Variants in DMXL1 observed in about 807,000 individuals in gnomAD.
DMXL1 encodes Dmx like 1.
A neutral mutation model predicts 319.2 loss-of-function variants in DMXL1; 99 were observed. The observed-to-expected ratio is 0.31, with a 90% CI of 0.26 to 0.37. The LOEUF (loss-of-function observed/expected upper bound fraction) is 0.37. Among genes scored for constraint, DMXL1 ranks in the 10% least tolerant of loss-of-function variants. The pLI, the probability that DMXL1 is intolerant of heterozygous loss-of-function variation, is 1.00. For synonymous variants in DMXL1, 1,385 were observed against 1,235.2 expected (o/e 1.12, Z -2.54); for missense variants, 3,745 against 3,595.6 (o/e 1.04, Z -1.06).
intron 9 of DMXL1, among the ~76,000 whole-genome samples, chr5:119,128,721 C>G (rs1764155802): frequency 6.6e-6 from 1 of 151,962 alleles, no homozygotes; most frequent in East Asian, 1.9e-4. Flanking sequence ...ATGGCTGTAC[C>G]TTTGAATTTT....
intron 29 of DMXL1, among the ~76,000 whole-genome samples, chr5:119,192,324 C>T (rs1050889321): frequency 2.6e-5 from 4 of 152,190 alleles, no homozygotes; most frequent in African/African-American, 4.8e-5. Flanking sequence ...TCTCTACTCT[C>T]CCCTGTGTTT....
At chr5:119,147,221 T>G in intron 16 of DMXL1, 28 bp from the exon 17 acceptor site, 2 of 1,589,918 alleles carry the variant, frequency 1.3e-6, no homozygotes, top group South Asian at 1.1e-5. Flanking sequence ...CCTGCCTCAG[T>G]TTTTGGTTCT....
rs1024335175 is a variant in DMXL1, at chr5:119,121,256, ATTTTTCTTTTT to A, written c.1102+133_1102+143del. On this transcript the variant is annotated intron_variant, in intron 9 of 43. Transcript: ENST00000539542. ...ATATTGGAGGTGACTGTCTTAGCCT[ATTTTTCTTTTT>A]TTTTTCTTTTTTTTTAATTTATTAT... The A allele has an allele frequency of 8.4e-5, 65 of 771,020 alleles. 1 individual carries two copies. The highest frequency in any genetic ancestry group is 2.8e-4 in the African/African-American group (15 of 53,364). The allele number at this position is 771,020 out of a possible 1,614,324, so 47.8% of individuals were successfully genotyped here. A position where few individuals can be genotyped will look rare whatever the true frequency, so the allele number is the denominator to read the frequency against.
chr5:119,196,180 T>G (rs1322584928), intron 30 of DMXL1, among the ~76,000 whole-genome samples, 191 bp from the exon 31 acceptor site: 1 of 152,216 alleles, frequency 6.6e-6, no homozygotes, highest in Admixed American at 6.5e-5. Flanking sequence ...TGGACAATTT[T>G]GGTTATTTCT....
At chr5:119,190,699 T>G (rs1366678380) in intron 29 of DMXL1, among the ~76,000 whole-genome samples, 2 of 152,230 alleles carry the variant, frequency 1.3e-5, no homozygotes, top group Non-Finnish European at 2.9e-5. Context: ...ATGTTGACAG[T>G]GCTGCCATTT....
At chr5:119,173,989 A>G (rs1447611913) in intron 25 of DMXL1, among the ~76,000 whole-genome samples, 1 of 151,336 alleles carries the variant, frequency 6.6e-6, no homozygotes, top group Non-Finnish European at 1.5e-5. Context: ...TGAAGACCCA[A>G]AAAGAGCTGA....
At chr5:119,128,458 C>T (rs942381700) in intron 9 of DMXL1, 2 of 170,930 alleles carry the variant, frequency 1.2e-5, no homozygotes, top group African/African-American at 2.4e-5. Context: ...CTCCCCACTC[C>T]ATGACTAGCC....
chr5:119,073,707 A>G (rs1235599182), intron 1 of DMXL1, among the ~76,000 whole-genome samples: 1 of 152,094 alleles, frequency 6.6e-6, no homozygotes, highest in Non-Finnish European at 1.5e-5. Context: ...AAGTATAAAG[A>G]GAGTTCAGCT....
Position 119,171,241 on chromosome 5 carries a change from A to G in DMXL1, c.6450A>G (p.Val2150=). 1 of 1,606,402 alleles carries G rather than the reference A, an allele frequency of 6.2e-7. No individual in the cohort carries two copies. The highest frequency in any genetic ancestry group is 1.1e-5 in the South Asian group (1 of 89,788). ...CCCATGGTGGGGGTCTTGCATCTGT[A>G]AGAATGGAATTGATTTTGCTTTTGC... is the stretch of plus-strand genomic sequence containing the variant. ...HGSHGGGLAS[V]RMELILLLQE... Residue 2150 remains valine (V), a synonymous_variant, in exon 24 of 44, where the codon GTA becomes GTG. Transcript: ENST00000539542.
chr5:119,076,569 A>G (rs1162953558), intron 1 of DMXL1, among the ~76,000 whole-genome samples: 1 of 152,200 alleles, frequency 6.6e-6, no homozygotes, highest in Non-Finnish European at 1.5e-5. Context: ...TTTAAAACAT[A>G]AAGTTTTACA....
chr5:119,162,608 T>C (rs2150212833), intron 19 of DMXL1, among the ~76,000 whole-genome samples: 1 of 152,360 alleles, frequency 6.6e-6, no homozygotes, highest in African/African-American at 2.4e-5. Context: ...CTTAAGGCTC[T>C]GCCTGTTAAT....
At chr5:119,123,393 A>G (rs1762724433) in intron 9 of DMXL1, among the ~76,000 whole-genome samples, 2 of 32,070 alleles carry the variant, frequency 6.2e-5, no homozygotes, top group Admixed American at 4.0e-4. Context: ...GAGGAGGGAG[A>G]GGAGGGGGAG....
intron 36 of DMXL1, 84 bp downstream of exon 36, chr5:119,220,677 T>C (rs1784497179): frequency 6.7e-7 from 1 of 1,495,090 alleles, no homozygotes. Flanking sequence ...AAAGATTCTT[T>C]AAAGCAATGT....
At position 119,110,290 on chromosome 5, in the gene DMXL1, A is replaced by G. The variant is rs780317156; in HGVS notation, c.497+7A>G. 1.3e-6 allele frequency: 2 copies of G among 1,552,288 alleles called. No individual in the cohort carries two copies. Among genetic ancestry groups the G allele is most frequent in the East Asian group, 2.4e-5 (1 of 42,396 alleles). Reference sequence around the variant, plus strand: ...AATGCATTTGGCATTGCAAGTAAGCAATTAATCAGGGGAGTAAACTGATAA... The same window carrying G: ...AATGCATTTGGCATTGCAAGTAAGCGATTAATCAGGGGAGTAAACTGATAA... On this transcript the variant is annotated splice_region_variant and intron_variant, in intron 5 of 43. Coordinates refer to ENST00000539542, the MANE Select transcript of DMXL1 (RefSeq NM_001290321.3).
At chr5:119,102,063 G>A in intron 3 of DMXL1, 57 bp downstream of exon 3, 2 of 1,135,014 alleles carry the variant, frequency 1.8e-6, no homozygotes, top group Non-Finnish European at 2.6e-6. Context: ...TATTGAAAGA[G>A]TGTAAAATCA....
In DMXL1 at chr5:119,108,326, C is replaced by T. The variant is rs115599350; in HGVS notation, c.365-1825C>T. Among the ~76,000 whole-genome samples the T allele has an allele frequency of 4.6e-3, 702 of 152,276 alleles. 5 individuals are homozygous for T. Among genetic ancestry groups the T allele is most frequent in the Admixed American group, 7.6e-3 (117 of 15,296 alleles). ...CTTGTCTTTTGTATGGATGATAGCA[C>T]GGCCTTCTACTTAATTCCCAAGTCA... On this transcript the variant is annotated intron_variant, in intron 4 of 43. Coordinates refer to ENST00000539542, the MANE Select transcript of DMXL1 (RefSeq NM_001290321.3).
At chr5:119,233,670 A>G (rs1410062826) in intron 39 of DMXL1, among the ~76,000 whole-genome samples, 2 of 152,186 alleles carry the variant, frequency 1.3e-5, no homozygotes, top group Non-Finnish European at 2.9e-5. Flanking sequence ...ATTAAAACTC[A>G]GTTAAGTGAT....
rs760628920 is a variant in DMXL1 at position 119,247,234 on chromosome 5, G to T, written c.*15G>T. ...TTATGCTATAACATTTTTACAATAAGATGTACAATTTATTACCTATATGGA... is the reference window on the plus strand; with the variant it reads ...TTATGCTATAACATTTTTACAATAATATGTACAATTTATTACCTATATGGA... On this transcript the variant is annotated 3_prime_UTR_variant, in exon 44 of 44. Coordinates refer to ENST00000539542, the MANE Select transcript of DMXL1 (RefSeq NM_001290321.3). The T allele has an allele frequency of 6.3e-7, 1 of 1,575,694 alleles. No individual in the cohort carries two copies.
intron 38 of DMXL1, among the ~76,000 whole-genome samples, chr5:119,228,625 ATTC>A (rs1301225291): frequency 6.6e-6 from 1 of 152,178 alleles, no homozygotes; most frequent in Non-Finnish European, 1.5e-5. Flanking sequence ...TTATTTTAAC[ATTC>A]TTCTTTTTAG....
Sources: gnomAD v4.1 joint callset for allele counts (sites outside exome capture counted in the v4.1 genomes callset) on GRCh38, gnomAD v4.1.1 for gene constraint, MANE v1.5 for transcripts, NCBI Gene and HGNC (gene_info 2026-07-23, HGNC 2026-07-21) for gene names.